Variants in AHCYL2 observed in about 807,000 individuals in gnomAD.
The protein encoded by AHCYL2 is S-adenosylhomocysteine hydrolase-like protein 2.
In AHCYL2, 28 loss-of-function variants were observed where a neutral mutation model predicts 81.4. The ratio of observed to expected loss-of-function variants is 0.34; its 90% confidence interval spans 0.25 to 0.47. AHCYL2 has a LOEUF of 0.47. Ranked by LOEUF, AHCYL2 falls within the 20% of genes least tolerant of loss-of-function variation. AHCYL2 has a pLI of 1.00. For missense variants in AHCYL2, 551 were observed against 785.1 expected, an observed-to-expected ratio of 0.70 and a Z score of 3.56; for synonymous variants, 272 against 290.2, an observed-to-expected ratio of 0.94 and a Z score of 0.64.
intron 1 of AHCYL2, among the ~76,000 whole-genome samples, chr7:129,234,302 TG>T (rs1794559499): frequency 6.6e-6 from 1 of 152,064 alleles, no homozygotes; most frequent in South Asian, 2.1e-4. Context: ...TGGACTGCAG[TG>T]GCACTATCTC....
chr7:129,263,792 T>G (rs897588707), intron 1 of AHCYL2, among the ~76,000 whole-genome samples: 2 of 152,132 alleles, frequency 1.3e-5, no homozygotes, highest in African/African-American at 4.8e-5. Flanking sequence ...GTTAGTGCCT[T>G]GTGTAGAAAG....
chr7:129,404,331 C>A (rs1047730042), intron 7 of AHCYL2, among the ~76,000 whole-genome samples: 1 of 152,012 alleles, frequency 6.6e-6, no homozygotes, highest in East Asian at 1.9e-4. Flanking sequence ...TTTCTGTGAT[C>A]ATTTCTATGA....
intron 11 of AHCYL2, among the ~76,000 whole-genome samples, chr7:129,413,342 C>T (rs948346698): frequency 2.0e-5 from 3 of 151,792 alleles, no homozygotes; most frequent in Admixed American, 6.6e-5. Context: ...GGGGTTTCAC[C>T]GTGTTAGCCA....
intron 1 of AHCYL2, among the ~76,000 whole-genome samples, chr7:129,285,732 C>G (rs1796608471): frequency 7.4e-6 from 1 of 135,684 alleles, no homozygotes; most frequent in Non-Finnish European, 1.5e-5. Context: ...TAGGGTCTGG[C>G]TCTGTCACCC....
intron 5 of AHCYL2, among the ~76,000 whole-genome samples, chr7:129,398,994 T>G (rs1795885157): frequency 6.6e-6 from 1 of 151,220 alleles, no homozygotes; most frequent in African/African-American, 2.4e-5. Flanking sequence ...GTACAAAAAT[T>G]AGCTGAGTGT....
chr7:129,246,947 C>G (rs1320529363), intron 1 of AHCYL2, among the ~76,000 whole-genome samples: 1 of 152,108 alleles, frequency 6.6e-6, no homozygotes. Flanking sequence ...TATGGCTATA[C>G]CACATTTTAT....
At chr7:129,407,148 G>A (rs1300698974) in intron 10 of AHCYL2, among the ~76,000 whole-genome samples, 1 of 152,070 alleles carries the variant, frequency 6.6e-6, no homozygotes, top group Non-Finnish European at 1.5e-5. Flanking sequence ...CCAGGAGTTC[G>A]AGACCAGCCT....
At chr7:129,348,050 T>C (rs1253012910) in intron 1 of AHCYL2, among the ~76,000 whole-genome samples, 1 of 152,202 alleles carries the variant, frequency 6.6e-6, no homozygotes, top group Non-Finnish European at 1.5e-5. Context: ...CATCTGGAAA[T>C]TTATCCTACA....
At chr7:129,342,393 G>A (rs1793215192) in intron 1 of AHCYL2, among the ~76,000 whole-genome samples, 2 of 152,178 alleles carry the variant, frequency 1.3e-5, no homozygotes, top group African/African-American at 4.8e-5. Flanking sequence ...TATGGGTAGG[G>A]AGGTAGTTTG....
At chr7:129,259,264 AGTG>A (rs1433774035) in intron 1 of AHCYL2, among the ~76,000 whole-genome samples, 1 of 152,220 alleles carries the variant, frequency 6.6e-6, no homozygotes, top group Non-Finnish European at 1.5e-5. Flanking sequence ...TGGTGGAACA[AGTG>A]GTGCCAGGGC....
chr7:129,269,905 A>G (rs1795949745), intron 1 of AHCYL2, among the ~76,000 whole-genome samples: 1 of 152,268 alleles, frequency 6.6e-6, no homozygotes, highest in South Asian at 2.1e-4. Context: ...TTCTTTATTG[A>G]TATTGTTCCA....
chr7:129,377,372 C>A (rs1187982070), intron 1 of AHCYL2, among the ~76,000 whole-genome samples: 1 of 152,082 alleles, frequency 6.6e-6, no homozygotes, highest in African/African-American at 2.4e-5. Context: ...ATGAGTTTTC[C>A]TATTGCTGAA....
intron 4 of AHCYL2, 102 bp downstream of exon 4, chr7:129,389,836 G>C: frequency 2.2e-6 from 2 of 899,526 alleles, no homozygotes; most frequent in Non-Finnish European, 3.2e-6. Flanking sequence ...AGCTTAACAA[G>C]TATTAGCTTA....
At chr7:129,401,240 G>C (rs909842555) in intron 6 of AHCYL2, among the ~76,000 whole-genome samples, 5 of 152,048 alleles carry the variant, frequency 3.3e-5, no homozygotes, top group Non-Finnish European at 7.4e-5. Context: ...CTAAGTGGGA[G>C]GATCACTTGA....
chr7:129,391,227 T>A (rs1204359503), intron 4 of AHCYL2, among the ~76,000 whole-genome samples: 3 of 152,224 alleles, frequency 2.0e-5, no homozygotes, highest in Non-Finnish European at 4.4e-5. Context: ...CTTTTTGTAA[T>A]CTTCTAAACA....
At chr7:129,341,746 C>T (rs35552948) in intron 1 of AHCYL2, among the ~76,000 whole-genome samples, 3,487 of 152,048 alleles carry the variant, frequency 0.023, 71 homozygotes, top group Admixed American at 0.056. Flanking sequence ...GCTTTCTTGT[C>T]GAATGCCTGT....
Position 129,426,595 on chromosome 7 carries a change from C to G in AHCYL2, c.1829+32C>G, listed in dbSNP as rs768585026. Reference sequence around the variant, plus strand: ...TGGGCTCCCCAGAAATCAGGGACACCTGGGCAGTGATGAGCTTCCTGCACT... The same window carrying G: ...TGGGCTCCCCAGAAATCAGGGACACGTGGGCAGTGATGAGCTTCCTGCACT... On this transcript the variant is annotated intron_variant, in intron 16 of 16. Transcript: ENST00000325006. This position sits in a 1 kb window ranked among gnomAD's most constrained non-coding sequence, Gnocchi z 4.3. 3.1e-6 allele frequency: 5 copies of G among 1,606,502 alleles called. No homozygotes were observed. In the Admixed American group the frequency reaches 8.5e-5, roughly 27 times the overall value.
intron 1 of AHCYL2, among the ~76,000 whole-genome samples, chr7:129,292,496 G>T (rs747100911): frequency 3.3e-5 from 5 of 152,168 alleles, no homozygotes; most frequent in Non-Finnish European, 7.4e-5. Flanking sequence ...GCTGGGCACG[G>T]TGGCTCACGC....
chr7:129,264,967 C>T (rs1210248219), intron 1 of AHCYL2, among the ~76,000 whole-genome samples: 1 of 152,192 alleles, frequency 6.6e-6, no homozygotes, highest in South Asian at 2.1e-4. Flanking sequence ...CTTCGTTTCA[C>T]ATTTTTTACA....
Sources: allele counts gnomAD v4.1 joint callset (sites outside exome capture counted in the v4.1 genomes callset), GRCh38; gene constraint gnomAD v4.1.1; non-coding constraint Gnocchi (gnomAD v3.1); transcripts MANE v1.5; gene names NCBI Gene and HGNC (gene_info 2026-07-23, HGNC 2026-07-21).